MROH2A: variants seen among roughly 807,000 people sequenced by gnomAD.
MROH2A encodes maestro heat-like repeat-containing protein family member 2A.
Under a neutral mutation model 200.4 loss-of-function variants are expected in MROH2A, and 174 were observed. The ratio of observed to expected loss-of-function variants is 0.87; its 90% CI spans 0.77 to 0.98. The LOEUF (loss-of-function observed/expected upper bound fraction) is 0.98, where lower values mean the gene tolerates loss of function less well. Among genes scored for constraint, MROH2A ranks in the 50% least tolerant of loss-of-function variants. The pLI is 0.00. For synonymous variants in MROH2A, 829 were observed against 840.4 expected, an observed-to-expected ratio of 0.99 and a Z score of 0.23; for missense variants, 2,045 against 2,139.6, an observed-to-expected ratio of 0.96 and a Z score of 0.87.
chr2:233,794,443 C>A lies in MROH2A; in HGVS notation c.903C>A (p.Tyr301Ter), dbSNP rs751861550. ...LPNDDLREQV[Y>*]DYIPLLLAEY... is the part of the protein sequence containing the mutation. ...ACGATGACCTGCGGGAGCAGGTCTA[C>A]GACTACATCCCCCTGCTGCTGGCGG... Residue 301 changes from tyrosine (Y) to a stop codon, truncating the protein, a stop_gained, in exon 8 of 42, where the codon TAC becomes TAA. Transcript: ENST00000389758. LOFTEE classifies it high-confidence loss of function. The A allele has an allele frequency of 1.3e-6, 2 of 1,550,478 alleles. No individual in the cohort carries two copies. The highest frequency in any genetic ancestry group is 1.4e-5 in the African/African-American group (1 of 73,152).
At position 233,823,425 on chromosome 2, in the gene MROH2A, A is replaced by G. The variant is rs1221986834; in HGVS notation, c.4005-131A>G. 11 of 1,122,834 alleles carry G rather than the reference A, an allele frequency of 9.8e-6. No individual in the cohort carries two copies. In the East Asian group the frequency reaches 2.6e-4, roughly 27 times the overall value. The allele number at this position is 1,122,834 out of a possible 1,614,324, so 69.6% of individuals were successfully genotyped here. Reference sequence around the variant, plus strand: ...AGGAAGAGGAGGGAGAAACCCAGAGATGTTACGACATCTTTCCGGGGTTAT... The same window carrying G: ...AGGAAGAGGAGGGAGAAACCCAGAGGTGTTACGACATCTTTCCGGGGTTAT... On this transcript the variant is annotated intron_variant, in intron 34 of 41. Transcript: ENST00000389758.
rs577261349 is a variant in MROH2A at position 233,791,031 on chromosome 2, C to T, written c.571+1017C>T. 6.5e-4 allele frequency among the ~76,000 whole-genome samples: 99 copies of T among 152,192 alleles called. No individual in the cohort carries two copies. In the South Asian group the frequency reaches 0.012, roughly 19 times the overall value. ...CATAGGACCGGGAGAGCATTCCACACGGAGAGAACATTGCAGAGGCTCTGG... is the reference window on the plus strand; with the variant it reads ...CATAGGACCGGGAGAGCATTCCACATGGAGAGAACATTGCAGAGGCTCTGG... On this transcript the variant is annotated intron_variant, in intron 5 of 41. Transcript: ENST00000389758.
chr2:233,805,099 C>T lies in MROH2A; in HGVS notation c.2040C>T (p.Pro680=), dbSNP rs1702709492. The change falls in exon 19 of 42, where the codon CCC becomes CCT. Residue 680 remains proline, a synonymous_variant. Transcript: ENST00000389758. The part of the protein sequence containing the change: ...LNNQIASFDS[P]SLEKGFLYRA... ...ACCAGATTGCGAGCTTTGACAGCCCCTCTCTGGAGAAGGTTTGTCTTCATA... is the reference window on the plus strand; with the variant it reads ...ACCAGATTGCGAGCTTTGACAGCCCTTCTCTGGAGAAGGTTTGTCTTCATA... The T allele has an allele frequency of 1.3e-6, 2 of 1,549,006 alleles. No individual in the cohort carries two copies. Among genetic ancestry groups the T allele is most frequent in the Non-Finnish European group, 1.7e-6 (2 of 1,146,008 alleles).
In MROH2A at chr2:233,822,458, GCT is replaced by G; in HGVS notation, c.3769_3770del (p.Leu1257TrpfsTer202). 3.9e-6 allele frequency: 6 copies of G among 1,550,908 alleles called. No individual in the cohort carries two copies. In the South Asian group the frequency reaches 7.1e-5, roughly 18 times the overall value. On this transcript the variant is annotated frameshift_variant, in exon 33 of 42. Transcript: ENST00000389758. LOFTEE classifies it high-confidence loss of function. The stretch of plus-strand genomic sequence containing the variant: ...ACCTCATCTACACCCTCCTGCTGCA[GCT>G]TGGAAGCAGCCACCGACCAGAGGCC... ...PDLIYTLLLQ[L>X]GSSHRPEAAP...
rs145726304 is a variant in MROH2A, at chr2:233,785,132, C to T, written c.277-4365C>T. On this transcript the variant is annotated intron_variant, in intron 3 of 41. Transcript: ENST00000389758. The stretch of plus-strand genomic sequence containing the variant: ...CTGCACTCCAGCCTGGATGAAAGAG[C>T]GAGACTCCATCTCAAAAAAAAAAAA... Among the ~76,000 whole-genome samples, 772 of 148,808 alleles carry T rather than the reference C, an allele frequency of 5.2e-3. 10 individuals carry two copies. The highest frequency in any genetic ancestry group is 0.018 in the African/African-American group (706 of 40,016).
At chr2:233,831,281 C>G in intron 38 of MROH2A, 128 bp from the exon 39 acceptor site, 1 of 1,237,320 alleles carries the variant, frequency 8.1e-7, no homozygotes, top group Non-Finnish European at 1.1e-6. Flanking sequence ...CCAGGAGCCA[C>G]CAGCCCTGCC....
intron 37 of MROH2A, 27 bp downstream of exon 37, chr2:233,829,099 C>T: frequency 6.8e-7 from 1 of 1,479,686 alleles, no homozygotes. Context: ...CCTCCCTGAG[C>T]TTGCTCAGTG....
At position 233,808,843 on chromosome 2, in the gene MROH2A, C is replaced by A. The variant is rs537250764; in HGVS notation, c.2296-283C>A. On this transcript the variant is annotated intron_variant, in intron 21 of 41. Transcript: ENST00000389758. ...TTAGGGGTGTTCACTTGAGCACCTCCCCCCACAGGTGATGGGTGGTCTGGG... is the reference window on the plus strand; with the variant it reads ...TTAGGGGTGTTCACTTGAGCACCTCACCCCACAGGTGATGGGTGGTCTGGG... 3.3e-5 allele frequency among the ~76,000 whole-genome samples: 5 copies of A among 152,278 alleles called. No individual in the cohort carries two copies. In the South Asian group the frequency reaches 1.0e-3, roughly 32 times the overall value.
intron 15 of MROH2A, 146 bp downstream of exon 15, chr2:233,802,461 T>C: frequency 1.2e-6 from 1 of 864,262 alleles, no homozygotes; most frequent in East Asian, 2.7e-5. Context: ...TATTAATGCC[T>C]ACCTGGATAT....
At chr2:233,827,884 A>G (rs1704423009) in intron 35 of MROH2A, among the ~76,000 whole-genome samples, 1 of 152,078 alleles carries the variant, frequency 6.6e-6, no homozygotes, top group Non-Finnish European at 1.5e-5. Flanking sequence ...AGAGCATTTA[A>G]AATAGGTTGT....
chr2:233,821,734 GT>G (rs1358614747), intron 31 of MROH2A, among the ~76,000 whole-genome samples: 1 of 151,364 alleles, frequency 6.6e-6, no homozygotes, highest in Non-Finnish European at 1.5e-5. Flanking sequence ...CCTCAAAGAT[GT>G]GTTGGGAGGG....
In MROH2A at chr2:233,819,994, G is replaced by C. The variant is rs1411232406; in HGVS notation, c.3450G>C (p.Leu1150=). The C allele has an allele frequency of 2.6e-6, 4 of 1,546,492 alleles. No individual in the cohort carries two copies. The Admixed American group carries it at 7.9e-5, about 30-fold the overall frequency. Residue 1150 remains leucine, a synonymous_variant, in exon 31 of 42, where the codon CTG becomes CTC. Coordinates refer to ENST00000389758, the MANE Select transcript of MROH2A (RefSeq NM_001394639.1). ...TTCTCATTGACGGCATCCTGCTGCTGGCGCACCACCACCAGGAGACCATCC... is the reference window on the plus strand; with the variant it reads ...TTCTCATTGACGGCATCCTGCTGCTCGCGCACCACCACCAGGAGACCATCC... The part of the protein sequence containing the change: ...RRLLIDGILL[L]AHHHQETILT...
intron 9 of MROH2A, 97 bp downstream of exon 9, chr2:233,795,842 G>T (rs923721004): frequency 2.9e-5 from 45 of 1,545,854 alleles, no homozygotes; most frequent in Non-Finnish European, 3.8e-5. Flanking sequence ...TCACTCGCGT[G>T]CTTCCTTTAT....
chr2:233,792,916 G>T, intron 6 of MROH2A, 22 bp downstream of exon 6: 1 of 1,550,120 alleles, frequency 6.5e-7, no homozygotes, highest in Non-Finnish European at 8.7e-7. Context: ...ACTTGAGCCT[G>T]CAGGTCTGGC....
Position 233,803,541 on chromosome 2 carries a change from C to T in MROH2A, c.1749+53C>T. ...GGCCTGGCAAGGCCATGCCCTGTGG[C>T]ACCTCTTCTTTAAACTCCTAATTCC... On this transcript the variant is annotated intron_variant, in intron 16 of 41. Coordinates refer to ENST00000389758, the MANE Select transcript of MROH2A (RefSeq NM_001394639.1). 7.1e-6 allele frequency: 11 copies of T among 1,539,656 alleles called. 1 individual carries two copies. In the South Asian group the frequency reaches 1.3e-4, roughly 18 times the overall value.
chr2:233,818,858 C>A, intron 29 of MROH2A, 88 bp downstream of exon 29: 1 of 806,914 alleles, frequency 1.2e-6, no homozygotes, highest in Non-Finnish European at 2.0e-6. Flanking sequence ...CTGGGCTGGC[C>A]TCACAGCCCA....
Position 233,818,079 on chromosome 2 carries a change from C to G in MROH2A, c.3039C>G (p.Thr1013=). The change falls in exon 28 of 42, where the codon ACC becomes ACG. Residue 1013 remains threonine (T), a synonymous_variant. Coordinates refer to ENST00000389758, the MANE Select transcript of MROH2A (RefSeq NM_001394639.1). ...GCACCTGTGATGCCCATCAAAGAAC[C>G]CGCATGGCCTCAATGAATGTCCTGT... The part of the protein sequence containing the change: ...APCTCDAHQR[T]RMASMNVLSS... 1 of 1,550,962 alleles carries G rather than the reference C, an allele frequency of 6.4e-7. No individual in the cohort carries two copies. The highest frequency in any genetic ancestry group is 1.4e-5 in the African/African-American group (1 of 73,142).
intron 28 of MROH2A, among the ~76,000 whole-genome samples, chr2:233,818,433 A>G (rs1247154126): frequency 6.6e-6 from 1 of 152,122 alleles, no homozygotes; most frequent in African/African-American, 2.4e-5. Context: ...GCCAGAGCTG[A>G]GTTCAAGGGA....
At chr2:233,779,266 T>A in intron 1 of MROH2A, 79 bp from the exon 2 acceptor site, 1 of 849,940 alleles carries the variant, frequency 1.2e-6, no homozygotes, top group Admixed American at 2.1e-5. Context: ...GATGGCTTTA[T>A]GGAAGGGTGT....
Sources: gnomAD v4.1 joint callset for allele counts (sites outside exome capture counted in the v4.1 genomes callset) on GRCh38, gnomAD v4.1.1 for gene constraint, MANE v1.5 for transcripts, NCBI Gene and HGNC (gene_info 2026-07-23, HGNC 2026-07-21) for gene names.